ZNF135: variants seen among roughly 807,000 people sequenced by gnomAD.
The protein encoded by ZNF135 is zinc finger protein 135, also known as zinc finger protein 135 (clone pHZ-17).
In ZNF135, 11 loss-of-function variants were observed where a neutral mutation model predicts 12.3. That is an observed-to-expected ratio of 0.89 (90% CI 0.56 to 1.48). The LOEUF (loss-of-function observed/expected upper bound fraction) is 1.48. ZNF135 is among the 40% of genes most tolerant of loss of function. The pLI is 0.00. For missense variants in ZNF135, 722 were observed against 815.7 expected (o/e 0.89, Z 1.40); for synonymous variants, 316 against 312.0 (o/e 1.01, Z -0.14).
chr19:58,061,557 A>C, intron 2 of ZNF135, 23 bp from the exon 3 acceptor site: 2 of 1,604,692 alleles, frequency 1.2e-6, no homozygotes, highest in Non-Finnish European at 1.7e-6. Flanking sequence ...GGCTTGGCTG[A>C]GGACACTCGT....
In ZNF135 at chr19:58,059,753, C is replaced by A; in HGVS notation, c.-34-216C>A. On this transcript the variant is annotated intron_variant, in intron 1 of 4. Transcript: ENST00000313434. This position sits in a 1 kb window ranked among gnomAD's most constrained non-coding sequence, Gnocchi z 6.5. ...CTGCGCAGCAGATATGTGTCCGCAC[C>A]CGCCAGGCCTTCAGCTTCCCTCAGA... is the stretch of plus-strand genomic sequence containing the variant. 1 of 607,872 alleles carries A rather than the reference C, an allele frequency of 1.6e-6. No homozygotes were observed. Among genetic ancestry groups the A allele is most frequent in the Non-Finnish European group, 2.8e-6 (1 of 352,328 alleles). The allele number at this position is 607,872 out of a possible 1,614,324, so 37.7% of individuals were successfully genotyped here. A position where few individuals can be genotyped will look rare whatever the true frequency, so the allele number is the denominator to read the frequency against.
chr19:58,068,152 C>T lies in ZNF135; in HGVS notation c.1668C>T (p.Gly556=), dbSNP rs1345569680. The change falls in exon 5 of 5, where the codon GGC becomes GGT. Residue 556 remains glycine (G), a synonymous_variant. Coordinates refer to ENST00000313434, the MANE Select transcript of ZNF135 (RefSeq NM_001289401.2). The stretch of plus-strand genomic sequence containing the variant: ...AACCCTATGAATGTAACCAGTGTGG[C>T]AGAGCCTTCAGCCAGAGCTCCCTTC... ...GEKPYECNQC[G]RAFSQSSLLI... 6.2e-7 allele frequency: 1 copy of T among 1,613,724 alleles called. No individual in the cohort carries two copies. Among genetic ancestry groups the T allele is most frequent in the Non-Finnish European group, 8.5e-7 (1 of 1,179,982 alleles).
Position 58,068,116 on chromosome 19 carries a change from C to T in ZNF135, c.1632C>T (p.His544=). ...CCCTCATTCAGCATCAGAGGATCCA[C>T]ACAGGAGAGAAACCCTATGAATGTA... is the stretch of plus-strand genomic sequence containing the variant. The part of the protein sequence containing the change: ...LAPLIQHQRI[H]TGEKPYECNQ... Residue 544 remains histidine (H), a synonymous_variant, in exon 5 of 5, where the codon CAC becomes CAT. Transcript: ENST00000313434. 1 of 1,614,212 alleles carries T rather than the reference C, an allele frequency of 6.2e-7. No individual in the cohort carries two copies. The highest frequency in any genetic ancestry group is 8.5e-7 in the Non-Finnish European group (1 of 1,180,048).
At chr19:58,061,928 G>T (rs1393541606) in intron 3 of ZNF135, among the ~76,000 whole-genome samples, 1 of 152,208 alleles carries the variant, frequency 6.6e-6, no homozygotes, top group East Asian at 1.9e-4. Flanking sequence ...GAAACATGAG[G>T]TGAGGGAAAC....
intron 2 of ZNF135, 89 bp from the exon 3 acceptor site, chr19:58,061,491 C>T (rs2073978668): frequency 1.3e-6 from 2 of 1,505,058 alleles, no homozygotes; most frequent in East Asian, 2.4e-5. Flanking sequence ...GAACTCCATC[C>T]GACCCAGCCT....
rs760809779 is a variant in ZNF135 at position 58,066,721 on chromosome 19, C to G, written c.257-20C>G. 8.7e-6 allele frequency: 14 copies of G among 1,612,302 alleles called. No individual in the cohort carries two copies. Among genetic ancestry groups the G allele is most frequent in the Non-Finnish European group, 1.2e-5 (14 of 1,178,874 alleles). On this transcript the variant is annotated intron_variant, in intron 4 of 4. Coordinates refer to ENST00000313434, the MANE Select transcript of ZNF135 (RefSeq NM_001289401.2). ...GTGGAACAGAGATTAAGGGACATTT[C>G]CAGTTTTTGCTTCTTTCAGACTTGG...
At chr19:58,064,590 G>A (rs777833127) in intron 4 of ZNF135, among the ~76,000 whole-genome samples, 11 of 151,926 alleles carry the variant, frequency 7.2e-5, no homozygotes, top group Non-Finnish European at 1.5e-4. Flanking sequence ...CAAAATATGT[G>A]TTAATTAAGG....
rs2074084043 is a variant in ZNF135, at chr19:58,067,195, A to G, written c.711A>G (p.Thr237=). Residue 237 remains threonine, a synonymous_variant, in exon 5 of 5, where the codon ACA becomes ACG. Coordinates refer to ENST00000313434, the MANE Select transcript of ZNF135 (RefSeq NM_001289401.2). ...TTATCGAACACCACCGGACGCACAC[A>G]GGAGAGAGACCTTACGAATGTCACG... ...SALIEHHRTH[T]GERPYECHEC... The G allele has an allele frequency of 6.2e-7, 1 of 1,614,002 alleles. No individual in the cohort carries two copies.
Position 58,060,127 on chromosome 19 carries a change from C to A in ZNF135, c.33+92C>A. 1 of 1,595,208 alleles carries A rather than the reference C, an allele frequency of 6.3e-7. No individual in the cohort carries two copies. ...TCACGCCCGGCCTCCTCTTTGCACC[C>A]CGTCCCTACTCGCGCTCAGCCTCCT... On this transcript the variant is annotated intron_variant, in intron 2 of 4. Transcript: ENST00000313434. The surrounding 1 kb of genome is among the most constrained non-coding windows in gnomAD (Gnocchi z 4.9).
intron 2 of ZNF135, among the ~76,000 whole-genome samples, chr19:58,061,142 A>AC (rs986362545): frequency 5.4e-5 from 8 of 148,368 alleles, no homozygotes; most frequent in African/African-American, 1.3e-4. Flanking sequence ...GAAAAAAAAA[A>AC]CCACCCAGAT....
Position 58,067,155 on chromosome 19 carries a change from G to A in ZNF135, c.671G>A (p.Ser224Asn). The change falls in exon 5 of 5, where the codon AGT (serine) becomes AAT (asparagine). Residue 224 changes from serine (S) to asparagine (N), a missense_variant. By Grantham distance (46) the Ser-to-Asn change is conservative. Coordinates refer to ENST00000313434, the MANE Select transcript of ZNF135 (RefSeq NM_001289401.2). ...YKCQECGKAF[S>N]HSSALIEHHR... ...TGTCAGGAATGCGGAAAGGCCTTTA[G>A]TCACAGCTCAGCACTTATCGAACAC... 6.2e-7 allele frequency: 1 copy of A among 1,614,234 alleles called. No individual in the cohort carries two copies. Among genetic ancestry groups the A allele is most frequent in the Non-Finnish European group, 8.5e-7 (1 of 1,180,038 alleles).
chr19:58,060,244 ACTGGTGC>A lies in ZNF135; in HGVS notation c.33+211_33+217del. On this transcript the variant is annotated intron_variant, in intron 2 of 4. Transcript: ENST00000313434. This position sits in a 1 kb window ranked among gnomAD's most constrained non-coding sequence, Gnocchi z 4.9. ...GCCTCTACTCGCGCACCTGGCCTCT[ACTGGTGC>A]CCGGCCTCTACTCGTGCCCGGCCTC... 7.5e-7 allele frequency: 1 copy of A among 1,337,866 alleles called. No homozygotes were observed. The highest frequency in any genetic ancestry group is 9.7e-7 in the Non-Finnish European group (1 of 1,029,076). The allele number at this position is 1,337,866 out of a possible 1,614,324, so 82.9% of individuals were successfully genotyped here. A position where few individuals can be genotyped will look rare whatever the true frequency, so the allele number is the denominator to read the frequency against.
At position 58,068,418 on chromosome 19, in the gene ZNF135, A is replaced by G. The variant is rs924306264; in HGVS notation, c.1934A>G (p.His645Arg). The change falls in exon 5 of 5, where the codon CAC becomes CGC. Residue 645 changes from histidine (H) to arginine (R), a missense_variant. Transcript: ENST00000313434. Reference sequence around the variant, plus strand: ...AGGGACTGTGGAAAGGCCTTTACCCACAGCTCCTCCCTTACCAAGCACCAG... The same window carrying G: ...AGGGACTGTGGAAAGGCCTTTACCCGCAGCTCCTCCCTTACCAAGCACCAG... ...ACRDCGKAFT[H>R]SSSLTKHQRT... The G allele has an allele frequency of 1.9e-6, 3 of 1,614,028 alleles. No homozygotes were observed. Among genetic ancestry groups the G allele is most frequent in the African/African-American group, 1.3e-5 (1 of 74,938 alleles).
chr19:58,067,162 C>A lies in ZNF135; in HGVS notation c.678C>A (p.Ser226Arg), dbSNP rs139944713. ...CQECGKAFSH[S>R]SALIEHHRTH... ...AATGCGGAAAGGCCTTTAGTCACAGCTCAGCACTTATCGAACACCACCGGA... is the reference window on the plus strand; with the variant it reads ...AATGCGGAAAGGCCTTTAGTCACAGATCAGCACTTATCGAACACCACCGGA... The change falls in exon 5 of 5, where the codon AGC (serine) becomes AGA (arginine). Residue 226 changes from serine (S) to arginine (R), a missense_variant. Transcript: ENST00000313434. 2.6e-4 allele frequency: 416 copies of A among 1,614,196 alleles called. No individual in the cohort carries two copies. Among genetic ancestry groups the A allele is most frequent in the Admixed American group, 3.0e-4 (18 of 60,020 alleles).
In ZNF135 at chr19:58,062,096, TTTG is replaced by T. The variant is rs139967937; in HGVS notation, c.160+394_160+396del. 8.5e-3 allele frequency among the ~76,000 whole-genome samples: 1,290 copies of T among 152,296 alleles called. 18 individuals carry two copies. Among genetic ancestry groups the T allele is most frequent in the African/African-American group, 0.029 (1,187 of 41,558 alleles). ...ACTGGGTAATTTTAAACAATAGATA[TTTG>T]TTGCTCATGGTTCTGGAGGCTGGGA... is the stretch of plus-strand genomic sequence containing the variant. On this transcript the variant is annotated intron_variant, in intron 3 of 4. Coordinates refer to ENST00000313434, the MANE Select transcript of ZNF135 (RefSeq NM_001289401.2).
At chr19:58,062,353 CTTATTTAT>C (rs111934366) in intron 3 of ZNF135, among the ~76,000 whole-genome samples, 76 of 151,404 alleles carry the variant, frequency 5.0e-4, no homozygotes, top group African/African-American at 1.6e-3. Context: ...ACATTTGAAC[CTTATTTAT>C]TTATTTATTT....
Position 58,063,751 on chromosome 19 carries a change from C to T in ZNF135, c.256+210C>T. ...TTGGTGAGGGAGTGGGGGAAACAAA[C>T]AATAAATCGGTAAAATAATAATAAT... On this transcript the variant is annotated intron_variant, in intron 4 of 4. Transcript: ENST00000313434. This position sits in a 1 kb window ranked among gnomAD's most constrained non-coding sequence, Gnocchi z 4.4. 1 of 1,283,046 alleles carries T rather than the reference C, an allele frequency of 7.8e-7. No homozygotes were observed. The highest frequency in any genetic ancestry group is 3.1e-5 in the East Asian group (1 of 32,594). 79.5% of individuals were successfully genotyped at this position (1,283,046 alleles called of 1,614,324 possible).
rs2073954847 is a variant in ZNF135, at chr19:58,060,358, C to T, written c.33+323C>T. 1 of 1,285,962 alleles carries T rather than the reference C, an allele frequency of 7.8e-7. No individual in the cohort carries two copies. Among genetic ancestry groups the T allele is most frequent in the African/African-American group, 1.5e-5 (1 of 65,544 alleles). The allele number at this position is 1,285,962 out of a possible 1,614,324, so 79.7% of individuals were successfully genotyped here. A position where few individuals can be genotyped will look rare whatever the true frequency, so the allele number is the denominator to read the frequency against. On this transcript the variant is annotated intron_variant, in intron 2 of 4. Transcript: ENST00000313434. The surrounding 1 kb of genome is among the most constrained non-coding windows in gnomAD (Gnocchi z 4.9). ...TAAAGTCCGCGCCAAGCTCCCCAACCACAGCCTGCCTCTGAAAGGACCGCC... is the reference window on the plus strand; with the variant it reads ...TAAAGTCCGCGCCAAGCTCCCCAACTACAGCCTGCCTCTGAAAGGACCGCC...
chr19:58,063,345 C>T lies in ZNF135; in HGVS notation c.161-101C>T, dbSNP rs917973296. The T allele has an allele frequency of 6.9e-7, 1 of 1,454,442 alleles. No homozygotes were observed. Among genetic ancestry groups the T allele is most frequent in the Non-Finnish European group, 9.1e-7 (1 of 1,101,296 alleles). The allele number at this position is 1,454,442 out of a possible 1,614,324, so 90.1% of individuals were successfully genotyped here. ...TGACAGCTGAAGTCACTCAGGGGTC[C>T]CCAGCCATCTGGGACCTGGAAGACC... On this transcript the variant is annotated intron_variant, in intron 3 of 4. Coordinates refer to ENST00000313434, the MANE Select transcript of ZNF135 (RefSeq NM_001289401.2). The surrounding 1 kb of genome is among the most constrained non-coding windows in gnomAD (Gnocchi z 4.4).
Sources: gnomAD v4.1 joint callset for allele counts (sites outside exome capture counted in the v4.1 genomes callset) on GRCh38, gnomAD v4.1.1 for gene constraint, Gnocchi (gnomAD v3.1) non-coding constraint, MANE v1.5 for transcripts, NCBI Gene and HGNC (gene_info 2026-07-23, HGNC 2026-07-21) for gene names.